Variants in MAGI1 observed in about 807,000 individuals in gnomAD.
MAGI1 encodes membrane associated guanylate kinase, WW and PDZ domain containing 1.
A neutral mutation model predicts 139.9 loss-of-function variants in MAGI1; 58 were observed. The ratio of observed to expected loss-of-function variants is 0.41; its 90% CI spans 0.34 to 0.52. The LOEUF is 0.52. Ranked by LOEUF, MAGI1 falls within the 20% of genes least tolerant of loss-of-function variation. MAGI1 has a pLI of 0.12. For synonymous variants in MAGI1, 812 were observed against 737.9 expected (o/e 1.10, Z -1.63); for missense variants, 1,874 against 1,901.6 (o/e 0.99, Z 0.27).
At chr3:65,389,639 G>A (rs1378732731) in intron 14 of MAGI1, among the ~76,000 whole-genome samples, 1 of 152,170 alleles carries the variant, frequency 6.6e-6, no homozygotes, top group Non-Finnish European at 1.5e-5. Context: ...GACACAATGA[G>A]GACAGAACCT....
chr3:65,646,539 CA>C (rs2085272401), intron 1 of MAGI1, among the ~76,000 whole-genome samples: 2 of 152,056 alleles, frequency 1.3e-5, no homozygotes, highest in African/African-American at 4.8e-5. Context: ...TCAACACCTT[CA>C]AACAACAGGA....
At chr3:65,650,611 TCTGGC>T (rs2107308838) in intron 1 of MAGI1, among the ~76,000 whole-genome samples, 1 of 152,332 alleles carries the variant, frequency 6.6e-6, no homozygotes, top group Non-Finnish European at 1.5e-5. Flanking sequence ...ATTTCCAACG[TCTGGC>T]CTCCAGAACT....
intron 1 of MAGI1, among the ~76,000 whole-genome samples, chr3:65,826,224 G>T (rs143114980): frequency 1.5e-3 from 230 of 152,086 alleles, no homozygotes; most frequent in African/African-American, 5.4e-3. Flanking sequence ...TCTGAATTTT[G>T]CAAAGTTTTT....
intron 1 of MAGI1, among the ~76,000 whole-genome samples, chr3:65,839,663 GA>G (rs2058740158): frequency 6.6e-6 from 1 of 152,132 alleles, no homozygotes; most frequent in Admixed American, 6.6e-5. Context: ...TAAAACACAG[GA>G]GAATACTTTC....
chr3:65,543,048 T>C (rs1334151885), intron 2 of MAGI1, among the ~76,000 whole-genome samples: 1 of 151,566 alleles, frequency 6.6e-6, no homozygotes, highest in African/African-American at 2.4e-5. Context: ...CTTAAACAAA[T>C]TTATAAGAAA....
chr3:65,925,587 C>T (rs895972355), intron 1 of MAGI1, among the ~76,000 whole-genome samples: 1 of 152,124 alleles, frequency 6.6e-6, no homozygotes, highest in African/African-American at 2.4e-5. Context: ...ACTCCTTTAA[C>T]AATTAGAACG....
intron 2 of MAGI1, among the ~76,000 whole-genome samples, chr3:65,567,696 C>T (rs2080736169): frequency 6.6e-6 from 1 of 151,928 alleles, no homozygotes; most frequent in South Asian, 2.1e-4. Context: ...ATTAGCTGGG[C>T]GTGGCAGCAC....
chr3:65,778,538 C>T (rs916684832), intron 1 of MAGI1, among the ~76,000 whole-genome samples: 34 of 152,052 alleles, frequency 2.2e-4, no homozygotes, highest in African/African-American at 8.0e-4. Context: ...CATATAGTGC[C>T]CTTTACATAT....
At chr3:65,427,432 A>T (rs1177187690) in intron 12 of MAGI1, among the ~76,000 whole-genome samples, 1 of 152,186 alleles carries the variant, frequency 6.6e-6, no homozygotes, top group Admixed American at 6.5e-5. Context: ...CTATAATGAA[A>T]CTTTATGTTT....
intron 18 of MAGI1, among the ~76,000 whole-genome samples, chr3:65,366,250 T>C (rs929801966): frequency 5.9e-5 from 9 of 152,234 alleles, no homozygotes; most frequent in Non-Finnish European, 7.3e-5. Flanking sequence ...CTATGAGACC[T>C]TGTATAAGTT....
chr3:65,576,424 T>C (rs866294738), intron 2 of MAGI1, among the ~76,000 whole-genome samples: 2 of 152,154 alleles, frequency 1.3e-5, no homozygotes, highest in Admixed American at 6.6e-5. Context: ...ACTCTTCCTC[T>C]CTGAGCCTGA....
At chr3:65,440,228 T>C (rs1386622860) in intron 8 of MAGI1, among the ~76,000 whole-genome samples, 1 of 152,230 alleles carries the variant, frequency 6.6e-6, no homozygotes, top group Non-Finnish European at 1.5e-5. Flanking sequence ...CAGTTTTATA[T>C]GCATTTTATT....
intron 1 of MAGI1, among the ~76,000 whole-genome samples, chr3:65,952,056 T>G (rs2063886246): frequency 6.6e-6 from 1 of 152,194 alleles, no homozygotes; most frequent in African/African-American, 2.4e-5. Context: ...TGTGGTTTGT[T>G]GCCTACATTC....
At chr3:65,750,765 C>T (rs143570136) in intron 1 of MAGI1, among the ~76,000 whole-genome samples, 24 of 152,288 alleles carry the variant, frequency 1.6e-4, no homozygotes, top group Non-Finnish European at 1.6e-4. Context: ...ATTTTACATA[C>T]GCTGAAAGTT....
chr3:65,424,024 CCAT>C (rs1482366547), intron 12 of MAGI1, among the ~76,000 whole-genome samples: 1 of 152,190 alleles, frequency 6.6e-6, no homozygotes, highest in Admixed American at 6.5e-5. Flanking sequence ...AGGATCCAAC[CCAT>C]CATCACATTG....
At chr3:65,619,901 T>G in intron 2 of MAGI1, 1 of 985,252 alleles carries the variant, frequency 1.0e-6, no homozygotes, top group Non-Finnish European at 1.2e-6. Flanking sequence ...AATTCCTGAT[T>G]TACTGGTTTC....
In MAGI1 at chr3:65,422,098, G is replaced by C. The variant is rs566980976; in HGVS notation, c.2167+7422C>G. Among the ~76,000 whole-genome samples the C allele has an allele frequency of 2.2e-4, 34 of 152,322 alleles. 1 individual carries two copies. The South Asian group carries it at 7.1e-3, about 32-fold the overall frequency. On this transcript the variant is annotated intron_variant, in intron 12 of 22. Transcript: ENST00000402939. ...ATTAAAATCTCTAGAACTGTGCTGC[G>C]TAACAGTACTTCCTGCAATGGTGGA...
At chr3:65,425,413 G>C (rs754199149) in intron 12 of MAGI1, among the ~76,000 whole-genome samples, 9 of 152,088 alleles carry the variant, frequency 5.9e-5, no homozygotes, top group Non-Finnish European at 1.2e-4. Flanking sequence ...TGCATCCTCT[G>C]TCTCCACAGT....
At chr3:65,403,349 G>A (rs1435616460) in intron 12 of MAGI1, among the ~76,000 whole-genome samples, 1 of 152,080 alleles carries the variant, frequency 6.6e-6, no homozygotes, top group East Asian at 1.9e-4. Context: ...ATATAAAAAA[G>A]ATTATAGGAG....
Sources: allele counts gnomAD v4.1 joint callset (sites outside exome capture counted in the v4.1 genomes callset), GRCh38; gene constraint gnomAD v4.1.1; transcripts MANE v1.5; gene names NCBI Gene and HGNC (gene_info 2026-07-23, HGNC 2026-07-21).